The following BTD variants were observed in gnomAD, a reference collection of about 807,000 sequenced individuals.
The protein encoded by BTD is biotinidase, also known as biocytinase.
In BTD, 13 loss-of-function variants were observed where a neutral mutation model predicts 17.7. That is an observed-to-expected ratio of 0.74 (90% CI 0.48 to 1.17). The LOEUF is 1.17. Ranked by LOEUF, BTD falls within the 50% of genes most tolerant of loss-of-function variation. BTD has a pLI of 0.00. For missense variants in BTD, 674 were observed against 650.4 expected, an observed-to-expected ratio of 1.04 and a Z score of -0.39; for synonymous variants, 240 against 245.2, an observed-to-expected ratio of 0.98 and a Z score of 0.20.
At chr3:15,708,499 T>TA (rs898579572) in intron 3 of BTD, among the ~76,000 whole-genome samples, 1 of 151,684 alleles carries the variant, frequency 6.6e-6, no homozygotes, top group Admixed American at 6.6e-5. Context: ...GAAGAAACAT[T>TA]AAAAAAAATG....
intron 3 of BTD, chr3:15,679,402 G>A (rs774726430): frequency 6.2e-6 from 10 of 1,613,482 alleles, no homozygotes; most frequent in Non-Finnish European, 5.9e-6. Context: ...AGGTAACAAG[G>A]TGATCATTCT....
At chr3:15,707,586 C>T (rs2071628353) in intron 3 of BTD, among the ~76,000 whole-genome samples, 1 of 152,158 alleles carries the variant, frequency 6.6e-6, no homozygotes, top group Non-Finnish European at 1.5e-5. Flanking sequence ...CTCCTCTCTC[C>T]CTTTCCCCAT....
intron 1 of BTD, chr3:15,606,651 A>G (rs1356876965): frequency 6.6e-6 from 1 of 152,238 alleles, no homozygotes; most frequent in African/African-American, 2.4e-5. Context: ...GCCATTTAAC[A>G]AAGAGAAAAA....
chr3:15,677,351 C>T (rs1398786605), intron 3 of BTD: 5 of 680,560 alleles, frequency 7.3e-6, no homozygotes, highest in African/African-American at 7.2e-5. Context: ...CAATTTTGTT[C>T]AAGAAATCTA....
At chr3:15,691,022 A>G (rs1027830336) in intron 3 of BTD, among the ~76,000 whole-genome samples, 2 of 152,248 alleles carry the variant, frequency 1.3e-5, no homozygotes, top group African/African-American at 2.4e-5. Context: ...TAATTCTTTT[A>G]GCAAAGAAAT....
At chr3:15,617,060 C>T (rs2064815160) in intron 1 of BTD, among the ~76,000 whole-genome samples, 1 of 152,198 alleles carries the variant, frequency 6.6e-6, no homozygotes, top group Non-Finnish European at 1.5e-5. Context: ...GTCTTAACCT[C>T]TTGACCTCGT....
chr3:15,665,873 G>A (rs921026600), intron 3 of BTD, among the ~76,000 whole-genome samples: 2 of 152,162 alleles, frequency 1.3e-5, no homozygotes, highest in Admixed American at 6.5e-5. Context: ...ACATAGATGG[G>A]AGCAACTGGA....
chr3:15,610,151 A>G (rs1340699070), intron 1 of BTD, among the ~76,000 whole-genome samples: 2 of 152,212 alleles, frequency 1.3e-5, no homozygotes, highest in East Asian at 1.9e-4. Context: ...GCTGGTCTCA[A>G]CTGGGCTCAC....
intron 3 of BTD, among the ~76,000 whole-genome samples, chr3:15,703,557 C>G (rs1310666928): frequency 1.3e-5 from 2 of 152,204 alleles, no homozygotes; most frequent in Non-Finnish European, 2.9e-5. Context: ...AGGAAGTGGG[C>G]CTTCTCCAGA....
chr3:15,616,611 C>G (rs1388866970), intron 1 of BTD, among the ~76,000 whole-genome samples: 1 of 144,666 alleles, frequency 6.9e-6, no homozygotes, highest in Admixed American at 6.8e-5. Context: ...AGCGAGACTT[C>G]ATCTTCAAAA....
At position 15,602,345 on chromosome 3, in the gene BTD, A is replaced by G. The variant is rs1042107796; in HGVS notation, c.-17+451A>G. On this transcript the variant is annotated intron_variant, in intron 1 of 3. Transcript: ENST00000643237. ...AGCACTGTTTTCTCCAGCCCTTGCTACTAATCCATATTACTCTCCGCTAAT... is the reference window on the plus strand; with the variant it reads ...AGCACTGTTTTCTCCAGCCCTTGCTGCTAATCCATATTACTCTCCGCTAAT... 4 of 1,029,366 alleles carry G rather than the reference A, an allele frequency of 3.9e-6. No individual in the cohort carries two copies. The African/African-American group carries it at 5.1e-5, about 13-fold the overall frequency. 63.8% of individuals were successfully genotyped at this position (1,029,366 alleles called of 1,614,324 possible). A position where few individuals can be genotyped will look rare whatever the true frequency, so the allele number is the denominator to read the frequency against.
At chr3:15,711,720 TCTGTCTCCTAGG>T (rs1287702484) in exon 4 of BTD, among the ~76,000 whole-genome samples, 1 of 151,890 alleles carries the variant, frequency 6.6e-6, no homozygotes, top group African/African-American at 2.4e-5. Flanking sequence ...AGAGTCTCGC[TCTGTCTCCTAGG>T]CTAGTGTGCA....
At chr3:15,714,478 G>A (rs2072747132), downstream of BTD, 1 of 823,428 alleles carries the variant, frequency 1.2e-6, no homozygotes, top group Non-Finnish European at 1.8e-6. Flanking sequence ...TACACAAAAT[G>A]CGATGACAAT....
At chr3:15,617,808 G>A (rs2064835995) in intron 1 of BTD, among the ~76,000 whole-genome samples, 1 of 152,184 alleles carries the variant, frequency 6.6e-6, no homozygotes, top group Admixed American at 6.5e-5. Context: ...CTATTTGTCT[G>A]TTCTTTGGCC....
intron 3 of BTD, among the ~76,000 whole-genome samples, chr3:15,707,324 T>G (rs2071592523): frequency 6.6e-6 from 1 of 152,254 alleles, no homozygotes; most frequent in South Asian, 2.1e-4. Flanking sequence ...ATTATTATAC[T>G]TATGAAACAG....
At chr3:15,677,179 C>T (rs2067025608) in intron 3 of BTD, 1 of 772,428 alleles carries the variant, frequency 1.3e-6, no homozygotes, top group Non-Finnish European at 2.1e-6. Flanking sequence ...CATGAATTTT[C>T]CTGGCTAATA....
chr3:15,604,968 C>T (rs997057446), intron 1 of BTD, among the ~76,000 whole-genome samples: 46 of 152,196 alleles, frequency 3.0e-4, no homozygotes, highest in African/African-American at 1.1e-3. Flanking sequence ...CCCTCCAAGT[C>T]TCTAGGAAGT....
At chr3:15,702,716 G>C (rs2070788959) in intron 3 of BTD, among the ~76,000 whole-genome samples, 1 of 152,188 alleles carries the variant, frequency 6.6e-6, no homozygotes, top group East Asian at 1.9e-4. Context: ...AGAGCCCTGG[G>C]TAAGGACCAC....
At chr3:15,714,472 C>G (rs893977306), downstream of BTD, 3 of 776,492 alleles carry the variant, frequency 3.9e-6, no homozygotes, top group African/African-American at 2.0e-5. Flanking sequence ...TAAAAATACA[C>G]AAAATGCGAT....
Sources: allele counts gnomAD v4.1 joint callset (sites outside exome capture counted in the v4.1 genomes callset), GRCh38; gene constraint gnomAD v4.1.1; transcripts MANE v1.5; gene names NCBI Gene and HGNC (gene_info 2026-07-23, HGNC 2026-07-21).